The following DIPK1A variants were observed in gnomAD, a reference collection of about 807,000 sequenced individuals.
The protein encoded by DIPK1A is family with sequence similarity 69 member A.
In DIPK1A, 27 loss-of-function variants were observed where a neutral mutation model predicts 40.8. That is an observed-to-expected ratio of 0.66 (90% confidence interval 0.49 to 0.91). The LOEUF is 0.91. DIPK1A is among the 40% of genes least tolerant of loss of function. DIPK1A has a pLI of 0.00. For missense variants in DIPK1A, 412 were observed against 505.7 expected (o/e 0.81, Z 1.78); for synonymous variants, 166 against 171.3 (o/e 0.97, Z 0.24).
intron 1 of DIPK1A, among the ~76,000 whole-genome samples, chr1:92,959,903 C>CTTTTTTTTT (rs1157142089): frequency 0.016 from 757 of 47,846 alleles, 82 homozygotes; most frequent in African/African-American, 0.025. Context: ...ACCCAACCAA[C>CTTTTTTTTT]TTTTTTTTTT....
chr1:92,874,159 T>C (rs755734833), intron 2 of DIPK1A, among the ~76,000 whole-genome samples: 7 of 152,216 alleles, frequency 4.6e-5, no homozygotes, highest in Non-Finnish European at 2.9e-5. Context: ...TCCTTTCTTA[T>C]AAATTAAAGG....
At chr1:92,900,396 ACT>A (rs901765281) in intron 1 of DIPK1A, among the ~76,000 whole-genome samples, 2 of 151,138 alleles carry the variant, frequency 1.3e-5, no homozygotes, top group Non-Finnish European at 3.0e-5. Context: ...TGGTGTTGAA[ACT>A]CTCTAACATA....
intron 1 of DIPK1A, among the ~76,000 whole-genome samples, chr1:92,951,078 G>C (rs909653534): frequency 6.6e-6 from 1 of 152,114 alleles, no homozygotes; most frequent in East Asian, 1.9e-4. Context: ...TTTGCAAGTG[G>C]AACTAAGGTT....
chr1:92,891,160 G>A (rs979119965), intron 1 of DIPK1A, among the ~76,000 whole-genome samples: 1 of 152,032 alleles, frequency 6.6e-6, no homozygotes, highest in Admixed American at 6.5e-5. Flanking sequence ...GTTATCAGCT[G>A]TCATATCTCC....
chr1:92,926,584 T>G (rs1650519759), intron 1 of DIPK1A, among the ~76,000 whole-genome samples: 1 of 152,184 alleles, frequency 6.6e-6, no homozygotes. Flanking sequence ...GCTTAGTTGT[T>G]CTACTAATTG....
chr1:92,896,078 C>A (rs1256304510), intron 1 of DIPK1A, among the ~76,000 whole-genome samples: 10 of 152,120 alleles, frequency 6.6e-5, no homozygotes, highest in Non-Finnish European at 1.3e-4. Context: ...GGCCATACTG[C>A]CCAAAGTAAT....
chr1:92,857,735 TAAAG>T (rs1688033538), intron 2 of DIPK1A, among the ~76,000 whole-genome samples: 1 of 152,252 alleles, frequency 6.6e-6, no homozygotes, highest in Non-Finnish European at 1.5e-5. Context: ...ATTTTATTGA[TAAAG>T]AAACTGAGGC....
intron 2 of DIPK1A, among the ~76,000 whole-genome samples, chr1:92,854,486 T>G (rs1271477334): frequency 6.6e-6 from 1 of 152,180 alleles, no homozygotes; most frequent in African/African-American, 2.4e-5. Flanking sequence ...CTCCTACCAA[T>G]ACTCCTTACA....
chr1:92,859,566 C>G (rs1688100438), intron 2 of DIPK1A, among the ~76,000 whole-genome samples: 2 of 152,332 alleles, frequency 1.3e-5, no homozygotes, highest in Admixed American at 1.3e-4. Context: ...TGCACAGGTG[C>G]TTGGCTAGAG....
intron 1 of DIPK1A, among the ~76,000 whole-genome samples, chr1:92,889,913 G>T (rs1024933846): frequency 6.6e-6 from 1 of 152,160 alleles, no homozygotes; most frequent in African/African-American, 2.4e-5. Context: ...GCCTCCCAAA[G>T]TGCTGAGATT....
chr1:92,879,743 T>A (rs1025675854), intron 1 of DIPK1A, among the ~76,000 whole-genome samples: 1 of 152,218 alleles, frequency 6.6e-6, no homozygotes, highest in Non-Finnish European at 1.5e-5. Context: ...TCTGTAGCTA[T>A]TAACCAATTT....
rs574753905 is a variant in DIPK1A, at chr1:92,843,310, A to AT, written c.*72dup. ...GTGTAACTGGCCGGAATTTGAAGCC[A>AT]TTTTTTTTTAATGCTCAAAATTGTT... On this transcript the variant is annotated 3_prime_UTR_variant, in exon 5 of 5. Coordinates refer to ENST00000370310, the MANE Select transcript of DIPK1A (RefSeq NM_001006605.5). 2.2e-3 allele frequency: 2,658 copies of AT among 1,233,888 alleles called. No individual in the cohort carries two copies. The highest frequency in any genetic ancestry group is 5.0e-3 in the Admixed American group (148 of 29,424). 76.4% of individuals were successfully genotyped at this position (1,233,888 alleles called of 1,614,324 possible). A position where few individuals can be genotyped will look rare whatever the true frequency, so the allele number is the denominator to read the frequency against.
intron 1 of DIPK1A, among the ~76,000 whole-genome samples, chr1:92,910,600 A>C (rs183838488): frequency 3.3e-5 from 5 of 151,892 alleles, no homozygotes; most frequent in Admixed American, 3.3e-4. Flanking sequence ...TTCCTTTATA[A>C]ATAATTTAAT....
Position 92,880,869 on chromosome 1 carries a change from CCAAACAAACAAA to C in DIPK1A, c.55-4451_55-4440del, listed in dbSNP as rs112768555. Among the ~76,000 whole-genome samples the C allele has an allele frequency of 3.4e-5, 5 of 148,110 alleles. No individual in the cohort carries two copies. In the East Asian group the frequency reaches 6.0e-4, roughly 18 times the overall value. On this transcript the variant is annotated intron_variant, in intron 1 of 4. Transcript: ENST00000370310. Reference sequence around the variant, plus strand: ...TGGGCAACAGAGCGAGACTCCGTCTCCAAACAAACAAACAAACAAACAAACAAAAAAACTACT... The same window carrying C: ...TGGGCAACAGAGCGAGACTCCGTCTCCAAACAAACAAACAAAAAAACTACT...
At chr1:92,889,123 T>C (rs1027118789) in intron 1 of DIPK1A, among the ~76,000 whole-genome samples, 2 of 152,210 alleles carry the variant, frequency 1.3e-5, no homozygotes, top group African/African-American at 4.8e-5. Context: ...TTTTTACTAA[T>C]AGTTTCATAA....
intron 1 of DIPK1A, among the ~76,000 whole-genome samples, chr1:92,920,259 G>A (rs1158617982): frequency 1.3e-5 from 2 of 152,096 alleles, no homozygotes; most frequent in East Asian, 3.8e-4. Context: ...GAATAATGGG[G>A]GCAGTTTCCC....
chr1:92,910,693 A>G (rs1649795458), intron 1 of DIPK1A, among the ~76,000 whole-genome samples: 2 of 152,008 alleles, frequency 1.3e-5, no homozygotes, highest in Admixed American at 1.3e-4. Flanking sequence ...GCATTTTTTT[A>G]TTTTGAGATA....
At chr1:92,860,760 G>A (rs1282062479) in intron 2 of DIPK1A, among the ~76,000 whole-genome samples, 1 of 151,686 alleles carries the variant, frequency 6.6e-6, no homozygotes, top group African/African-American at 2.4e-5. Flanking sequence ...CTCCAGCGTG[G>A]GCGACAGAGC....
intron 1 of DIPK1A, among the ~76,000 whole-genome samples, chr1:92,886,914 C>A (rs1239694361): frequency 2.0e-5 from 3 of 151,908 alleles, no homozygotes; most frequent in Non-Finnish European, 4.4e-5. Context: ...TGGCAGAGTT[C>A]AGTGGTTGTA....
Sources: gnomAD v4.1 joint callset for allele counts (sites outside exome capture counted in the v4.1 genomes callset) on GRCh38, gnomAD v4.1.1 for gene constraint, MANE v1.5 for transcripts, NCBI Gene and HGNC (gene_info 2026-07-23, HGNC 2026-07-21) for gene names.